The following SPAG16 variants were observed in gnomAD, a reference collection of about 807,000 sequenced individuals.
The protein encoded by SPAG16 is sperm-associated antigen 16 protein.
SPAG16 carries 86 observed loss-of-function variants against 80.4 expected under a neutral mutation model. That is an observed-to-expected ratio of 1.07 (90% CI 0.90 to 1.28). The LOEUF (loss-of-function observed/expected upper bound fraction) is 1.28. Among genes scored for constraint, SPAG16 ranks in the 50% most tolerant of loss-of-function variants. The probability of loss-of-function intolerance (pLI) is 0.00; values close to 1 mark genes in which losing one functional copy is unlikely to be tolerated. For synonymous variants in SPAG16, 294 were observed against 265.9 expected (o/e 1.11, Z -1.03); for missense variants, 870 against 765.3 (o/e 1.14, Z -1.61).
intron 13 of SPAG16, among the ~76,000 whole-genome samples, chr2:214,085,855 A>G (rs570162366): frequency 2.0e-5 from 3 of 152,194 alleles, no homozygotes; most frequent in Non-Finnish European, 4.4e-5. Context: ...GGTCAGTGTC[A>G]CAAACAGCAC....
chr2:213,396,419 T>C (rs181752991), intron 9 of SPAG16, among the ~76,000 whole-genome samples: 12 of 152,350 alleles, frequency 7.9e-5, no homozygotes, highest in Non-Finnish European at 1.5e-4. Flanking sequence ...CATGTTTTTG[T>C]TAAATATAAT....
intron 1 of SPAG16, among the ~76,000 whole-genome samples, chr2:213,291,780 A>G (rs1253281960): frequency 2.0e-5 from 3 of 152,204 alleles, no homozygotes; most frequent in Non-Finnish European, 4.4e-5. Flanking sequence ...TATCTTTGTC[A>G]TTCACAGCTG....
chr2:213,721,725 T>G (rs1449270301), intron 10 of SPAG16, among the ~76,000 whole-genome samples: 1 of 152,026 alleles, frequency 6.6e-6, no homozygotes. Flanking sequence ...AACCCTAGTA[T>G]GCCAATCATT....
intron 10 of SPAG16, among the ~76,000 whole-genome samples, chr2:213,772,693 G>A (rs1317332349): frequency 1.3e-5 from 2 of 151,904 alleles, no homozygotes; most frequent in Non-Finnish European, 2.9e-5. Flanking sequence ...TCCTAAATTT[G>A]TTTTCTTTCT....
chr2:214,216,730 A>G (rs2125764176), intron 15 of SPAG16, among the ~76,000 whole-genome samples: 1 of 152,352 alleles, frequency 6.6e-6, no homozygotes, highest in African/African-American at 2.4e-5. Flanking sequence ...TATAAAATAC[A>G]TTAATTGAAT....
intron 15 of SPAG16, among the ~76,000 whole-genome samples, chr2:214,408,492 C>A (rs1474001766): frequency 6.6e-6 from 1 of 152,084 alleles, no homozygotes; most frequent in Non-Finnish European, 1.5e-5. Context: ...AGGTTTTGTT[C>A]TAGATGAAGA....
intron 10 of SPAG16, among the ~76,000 whole-genome samples, chr2:213,831,808 T>A (rs976746287): frequency 2.6e-5 from 4 of 152,106 alleles, no homozygotes; most frequent in East Asian, 1.9e-4. Flanking sequence ...AATTTAATCC[T>A]CTTAATCATA....
At chr2:214,077,168 A>G (rs1202982858) in intron 13 of SPAG16, among the ~76,000 whole-genome samples, 1 of 152,196 alleles carries the variant, frequency 6.6e-6, no homozygotes, top group African/African-American at 2.4e-5. Context: ...AAAAATATTT[A>G]TTAATAATAA....
intron 13 of SPAG16, among the ~76,000 whole-genome samples, chr2:214,052,767 C>G (rs2125138526): frequency 6.6e-6 from 1 of 152,218 alleles, no homozygotes; most frequent in South Asian, 2.1e-4. Context: ...CATACTTCCC[C>G]TCTGTTTGCT....
chr2:214,192,845 T>C (rs889536765), intron 15 of SPAG16, among the ~76,000 whole-genome samples: 2 of 152,136 alleles, frequency 1.3e-5, no homozygotes, highest in African/African-American at 2.4e-5. Flanking sequence ...GAGACTGCAA[T>C]AAGCTTCTGT....
intron 9 of SPAG16, among the ~76,000 whole-genome samples, chr2:213,448,163 CT>C (rs1044278465): frequency 2.0e-5 from 3 of 152,214 alleles, no homozygotes; most frequent in Non-Finnish European, 2.9e-5. Context: ...TGTTATTTGG[CT>C]TGGAGATCGG....
intron 9 of SPAG16, among the ~76,000 whole-genome samples, chr2:213,413,173 G>T (rs2069076018): frequency 6.6e-6 from 1 of 152,036 alleles, no homozygotes; most frequent in South Asian, 2.1e-4. Flanking sequence ...TACCATTCTT[G>T]TTGCATTTTC....
chr2:214,042,093 C>CT lies in SPAG16; in HGVS notation c.1527+28026dup, dbSNP rs1385454573. On this transcript the variant is annotated intron_variant, in intron 13 of 15. Transcript: ENST00000331683. ...AAGTTTTCTTTTTCTTTTTCTTTTT[C>CT]TTTTTTTTTTGAGACAGAGTCTCTC... Among the ~76,000 whole-genome samples, 780 of 134,182 alleles carry CT rather than the reference C, an allele frequency of 5.8e-3. 7 individuals carry two copies. The highest frequency in any genetic ancestry group is 0.019 in the Middle Eastern group (5 of 258). 88.0% of individuals were successfully genotyped at this position (134,182 alleles called of 152,430 possible).
chr2:213,974,968 C>T (rs753214974), intron 12 of SPAG16, among the ~76,000 whole-genome samples: 2 of 134,724 alleles, frequency 1.5e-5, no homozygotes, highest in Non-Finnish European at 3.1e-5. Flanking sequence ...AAAAAAAACA[C>T]AAAATGTGTA....
chr2:213,294,324 A>C (rs1025366257), intron 1 of SPAG16, among the ~76,000 whole-genome samples: 2 of 152,200 alleles, frequency 1.3e-5, no homozygotes, highest in African/African-American at 4.8e-5. Flanking sequence ...GAAAGATAAA[A>C]TACCTCGAAC....
chr2:214,206,178 C>CA (rs202150000), intron 15 of SPAG16, among the ~76,000 whole-genome samples: 2 of 147,914 alleles, frequency 1.4e-5, no homozygotes, highest in East Asian at 1.9e-4. Context: ...CACTCTGTCT[C>CA]AAAAAATATA....
intron 10 of SPAG16, among the ~76,000 whole-genome samples, chr2:213,662,210 C>G (rs2063452819): frequency 6.6e-6 from 1 of 151,998 alleles, no homozygotes; most frequent in South Asian, 2.1e-4. Flanking sequence ...TCATTCATTA[C>G]AAGGTTAAAT....
chr2:214,223,001 C>A (rs2058617103), intron 15 of SPAG16, among the ~76,000 whole-genome samples: 1 of 152,054 alleles, frequency 6.6e-6, no homozygotes, highest in Non-Finnish European at 1.5e-5. Context: ...AATTTCTTGA[C>A]AAAAAAGACA....
At chr2:214,248,580 G>A (rs1054304260) in intron 15 of SPAG16, among the ~76,000 whole-genome samples, 9 of 152,048 alleles carry the variant, frequency 5.9e-5, no homozygotes, top group African/African-American at 2.2e-4. Context: ...GCCTCCCAAA[G>A]TGCTGGGATT....
Sources: gnomAD v4.1 joint callset for allele counts (sites outside exome capture counted in the v4.1 genomes callset) on GRCh38, gnomAD v4.1.1 for gene constraint, MANE v1.5 for transcripts, NCBI Gene and HGNC (gene_info 2026-07-23, HGNC 2026-07-21) for gene names.